ARMH3: variants seen among roughly 807,000 people sequenced by gnomAD.
ARMH3 encodes armadillo-like helical domain-containing protein 3.
ARMH3 carries 60 observed loss-of-function variants against 99.1 expected under a neutral mutation model. That is an observed-to-expected ratio of 0.61 (90% CI 0.49 to 0.75). The LOEUF (loss-of-function observed/expected upper bound fraction) is 0.75. Among genes scored for constraint, ARMH3 ranks in the 30% least tolerant of loss-of-function variants. The pLI is 0.00. For synonymous variants in ARMH3, 285 were observed against 292.8 expected, an observed-to-expected ratio of 0.97 and a Z score of 0.27; for missense variants, 679 against 843.1, an observed-to-expected ratio of 0.81 and a Z score of 2.41.
intron 20 of ARMH3, among the ~76,000 whole-genome samples, chr10:101,964,376 C>G (rs1039840376): frequency 6.6e-6 from 1 of 152,102 alleles, no homozygotes; most frequent in Non-Finnish European, 1.5e-5. Flanking sequence ...ATTAAACGCA[C>G]ACAATCTCAA....
intron 23 of ARMH3, among the ~76,000 whole-genome samples, chr10:101,937,930 C>T (rs778709110): frequency 3.9e-5 from 6 of 152,182 alleles, no homozygotes; most frequent in Non-Finnish European, 7.3e-5. Context: ...ATGATCTTGG[C>T]TCACTGTAGC....
At chr10:101,893,824 TCA>T (rs1840112456) in intron 23 of ARMH3, among the ~76,000 whole-genome samples, 1 of 152,172 alleles carries the variant, frequency 6.6e-6, no homozygotes, top group African/African-American at 2.4e-5. Flanking sequence ...CCTTCCCTTC[TCA>T]CCATTACACT....
chr10:101,962,892 A>G (rs1449790349), intron 20 of ARMH3, among the ~76,000 whole-genome samples: 1 of 152,170 alleles, frequency 6.6e-6, no homozygotes, highest in Non-Finnish European at 1.5e-5. Flanking sequence ...CTTTGATCAC[A>G]ATTCCACTGA....
intron 22 of ARMH3, among the ~76,000 whole-genome samples, chr10:101,943,802 T>C (rs1275795520): frequency 1.3e-5 from 2 of 151,862 alleles, no homozygotes; most frequent in African/African-American, 2.4e-5. Flanking sequence ...CGGTGGTTCA[T>C]GCCTGTAATC....
In ARMH3 at chr10:101,944,261, TATATATATATATAGAGAGAGAGAGAG is replaced by T. The variant is rs1228579868; in HGVS notation, c.1706-4349_1706-4324del. Among the ~76,000 whole-genome samples, 113 of 67,288 alleles carry T rather than the reference TATATATATATATAGAGAGAGAGAGAG, an allele frequency of 1.7e-3. 1 individual carries two copies. In the East Asian group the frequency reaches 0.033, roughly 20 times the overall value. The allele number at this position is 67,288 out of a possible 152,430, so 44.1% of individuals were successfully genotyped here. A position where few individuals can be genotyped will look rare whatever the true frequency, so the allele number is the denominator to read the frequency against. ...TTGAGCCTATATATATATATATATA[TATATATATATATAGAGAGAGAGAGAG>T]AGAGAGAGAGAGAGAGAGAGAGAGA... is the stretch of plus-strand genomic sequence containing the variant. On this transcript the variant is annotated intron_variant, in intron 22 of 25. Coordinates refer to ENST00000370033, the MANE Select transcript of ARMH3 (RefSeq NM_024541.3).
At chr10:101,983,505 T>C (rs1222199968) in intron 19 of ARMH3, among the ~76,000 whole-genome samples, 1 of 152,160 alleles carries the variant, frequency 6.6e-6, no homozygotes, top group Non-Finnish European at 1.5e-5. Flanking sequence ...GTGATCCATC[T>C]ACCTCAGCCT....
chr10:101,912,160 C>T (rs918752849), intron 23 of ARMH3, among the ~76,000 whole-genome samples: 54 of 152,036 alleles, frequency 3.6e-4, no homozygotes, highest in African/African-American at 1.0e-3. Flanking sequence ...TTACGGAGGC[C>T]GAGGCAGGTG....
chr10:102,033,008 A>G lies in ARMH3; in HGVS notation c.306+18T>C, dbSNP rs1295444517. 5 of 1,611,832 alleles carry G rather than the reference A, an allele frequency of 3.1e-6. No homozygotes were observed. The Admixed American group carries it at 6.7e-5, about 22-fold the overall frequency. ...TTCTCCTGTTAAACAAGACTTCCCC[A>G]GTCTCCCAGCCTTGTACCTGCAATG... On this transcript the variant is annotated intron_variant, in intron 4 of 25. Coordinates refer to ENST00000370033, the MANE Select transcript of ARMH3 (RefSeq NM_024541.3).
chr10:101,938,601 G>A (rs965182865), intron 23 of ARMH3, among the ~76,000 whole-genome samples: 28 of 152,202 alleles, frequency 1.8e-4, no homozygotes, highest in African/African-American at 6.8e-4. Context: ...CCCTAGCCCA[G>A]AACCTGGTGA....
At chr10:101,860,884 G>T (rs2066850049) in intron 24 of ARMH3, among the ~76,000 whole-genome samples, 1 of 152,164 alleles carries the variant, frequency 6.6e-6, no homozygotes, top group Non-Finnish European at 1.5e-5. Flanking sequence ...CAGAAGGATT[G>T]TACTACTCCA....
chr10:102,039,443 CCT>C (rs771116191), intron 2 of ARMH3, among the ~76,000 whole-genome samples: 13 of 152,250 alleles, frequency 8.5e-5, no homozygotes, highest in East Asian at 1.9e-4. Flanking sequence ...GCGCCCAGCC[CCT>C]GATAGGGTAT....
At chr10:101,981,762 T>C (rs937345229) in intron 19 of ARMH3, among the ~76,000 whole-genome samples, 29 of 152,286 alleles carry the variant, frequency 1.9e-4, no homozygotes, top group Non-Finnish European at 3.8e-4. Context: ...CTCACGCCTG[T>C]AATCCCAGCA....
chr10:101,902,025 G>A (rs1179224857), intron 23 of ARMH3, among the ~76,000 whole-genome samples: 2 of 152,152 alleles, frequency 1.3e-5, no homozygotes, highest in African/African-American at 4.8e-5. Context: ...AGCTAACAGG[G>A]TCAGATTTGT....
chr10:101,981,845 C>T (rs1481149896), intron 19 of ARMH3, among the ~76,000 whole-genome samples: 2 of 151,168 alleles, frequency 1.3e-5, no homozygotes, highest in Admixed American at 6.6e-5. Flanking sequence ...GGTGAAACCC[C>T]GTCTCTATCT....
At chr10:101,860,491 G>T (rs557362245) in intron 24 of ARMH3, among the ~76,000 whole-genome samples, 1 of 152,294 alleles carries the variant, frequency 6.6e-6, no homozygotes, top group South Asian at 2.1e-4. Context: ...TGAAGGTCCT[G>T]CCAAGCTAAG....
At chr10:102,020,735 C>A (rs945414536) in intron 8 of ARMH3, among the ~76,000 whole-genome samples, 1 of 150,526 alleles carries the variant, frequency 6.6e-6, no homozygotes, top group Non-Finnish European at 1.5e-5. Flanking sequence ...TGCCTGTAAT[C>A]CCAGCTACTC....
intron 13 of ARMH3, among the ~76,000 whole-genome samples, chr10:102,006,897 T>A (rs2066504484): frequency 6.6e-6 from 1 of 151,918 alleles, no homozygotes; most frequent in African/African-American, 2.4e-5. Context: ...CTGGGCACAG[T>A]GGATCACACC....
rs962283790 is a variant in ARMH3, at chr10:101,869,112, A to G, written c.1861-19220T>C. Among the ~76,000 whole-genome samples the G allele has an allele frequency of 3.3e-5, 5 of 151,914 alleles. No homozygotes were observed. In the East Asian group the frequency reaches 9.6e-4, roughly 29 times the overall value. ...AGAGGTTAAGCTTCTGGTCAATAGT[A>G]GGCTATTAGCAGTTAAGTTTTTGAA... On this transcript the variant is annotated intron_variant, in intron 24 of 25. Coordinates refer to ENST00000370033, the MANE Select transcript of ARMH3 (RefSeq NM_024541.3).
At chr10:101,966,476 C>G (rs1299194703) in intron 20 of ARMH3, among the ~76,000 whole-genome samples, 1 of 151,766 alleles carries the variant, frequency 6.6e-6, no homozygotes, top group African/African-American at 2.4e-5. Flanking sequence ...AGGGCTCCAC[C>G]AGGCTGGTCT....
Sources: gnomAD v4.1 joint callset for allele counts (sites outside exome capture counted in the v4.1 genomes callset) on GRCh38, gnomAD v4.1.1 for gene constraint, MANE v1.5 for transcripts, NCBI Gene and HGNC (gene_info 2026-07-23, HGNC 2026-07-21) for gene names.